The following SNRNP40 variants were observed in gnomAD, a reference collection of about 807,000 sequenced individuals.
The protein encoded by SNRNP40 is small nuclear ribonucleoprotein U5 subunit 40.
Under a neutral mutation model 45.8 loss-of-function variants are expected in SNRNP40, and 21 were observed. That is an observed-to-expected ratio of 0.46 (90% CI 0.32 to 0.66). The LOEUF (loss-of-function observed/expected upper bound fraction) is 0.66, where lower values mean the gene tolerates loss of function less well. SNRNP40 is among the 30% of genes least tolerant of loss of function. The pLI is 0.03. For synonymous variants in SNRNP40, 142 were observed against 163.8 expected (o/e 0.87, Z 1.01); for missense variants, 344 against 439.1 (o/e 0.78, Z 1.94).
intron 6 of SNRNP40, chr1:31,269,443 G>A: frequency 8.0e-7 from 1 of 1,257,852 alleles, no homozygotes; most frequent in South Asian, 2.3e-5. Flanking sequence ...CAATAACTGG[G>A]GCTAGCTGAG....
chr1:31,259,606 T>C lies in SNRNP40; in HGVS notation c.*466A>G, dbSNP rs1345915657. The C allele has an allele frequency of 2.7e-6, 1 of 368,320 alleles. No individual in the cohort carries two copies. Among genetic ancestry groups the C allele is most frequent in the East Asian group, 7.5e-5 (1 of 13,348 alleles). The allele number at this position is 368,320 out of a possible 1,614,324, so 22.8% of individuals were successfully genotyped here. On this transcript the variant is annotated 3_prime_UTR_variant, in exon 10 of 10. Transcript: ENST00000263694. ...TGAATTGTATTCTGTGGCCACATCA[T>C]GCTCTATTCTGATTTATAGCAATCA...
At chr1:31,289,561 G>A (rs1297851629) in intron 3 of SNRNP40, 142 bp from the exon 4 acceptor site, 14 of 685,874 alleles carry the variant, frequency 2.0e-5, no homozygotes, top group Non-Finnish European at 3.2e-5. Context: ...ATGCTGGAAT[G>A]CCTCACCCTA....
intron 8 of SNRNP40, among the ~76,000 whole-genome samples, chr1:31,266,619 T>C (rs1645898492): frequency 6.6e-6 from 1 of 152,212 alleles, no homozygotes; most frequent in Admixed American, 6.5e-5. Flanking sequence ...TCGTATTTCA[T>C]AAAGCCTTAG....
At chr1:31,265,847 A>AC (rs1645892462) in intron 8 of SNRNP40, among the ~76,000 whole-genome samples, 1 of 100,398 alleles carries the variant, frequency 1.0e-5, no homozygotes, top group South Asian at 2.5e-4. Flanking sequence ...CTCAAAAACA[A>AC]ACAAAAATTT....
intron 8 of SNRNP40, among the ~76,000 whole-genome samples, chr1:31,265,012 T>C (rs1378440344): frequency 6.6e-6 from 1 of 152,176 alleles, no homozygotes; most frequent in Non-Finnish European, 1.5e-5. Context: ...AAGCCTTATG[T>C]AACACAGCTG....
chr1:31,271,565 G>C (rs1285383120), intron 5 of SNRNP40, 66 bp from the exon 6 acceptor site: 1 of 1,505,996 alleles, frequency 6.6e-7, no homozygotes, highest in Non-Finnish European at 9.0e-7. Flanking sequence ...AATGACACAA[G>C]AGACAAGAGT....
At chr1:31,265,969 C>A (rs1462169116) in intron 8 of SNRNP40, among the ~76,000 whole-genome samples, 1 of 152,202 alleles carries the variant, frequency 6.6e-6, no homozygotes, top group Non-Finnish European at 1.5e-5. Context: ...TCTTCTCTAG[C>A]AACTTGATAA....
intron 4 of SNRNP40, among the ~76,000 whole-genome samples, chr1:31,285,325 C>T (rs1305784657): frequency 6.6e-6 from 1 of 150,732 alleles, no homozygotes; most frequent in Non-Finnish European, 1.5e-5. Context: ...CTCACTGCAA[C>T]CTCCACCTCC....
intron 1 of SNRNP40, among the ~76,000 whole-genome samples, chr1:31,295,270 G>A (rs1646136913): frequency 6.6e-6 from 1 of 152,146 alleles, no homozygotes; most frequent in Non-Finnish European, 1.5e-5. Flanking sequence ...GGCTGAGGCA[G>A]GAGGATCACT....
rs867817137 is a variant in SNRNP40 at position 31,259,738 on chromosome 1, A to G, written c.*334T>C. 6.1e-6 allele frequency: 3 copies of G among 491,506 alleles called. No individual in the cohort carries two copies. Among genetic ancestry groups the G allele is most frequent in the Admixed American group, 2.8e-5 (1 of 35,130 alleles). 30.4% of individuals were successfully genotyped at this position (491,506 alleles called of 1,614,324 possible). The stretch of plus-strand genomic sequence containing the variant: ...ATATAGAGAAATACAGAAAGAAAAT[A>G]TCATACAAGCCAGTTACAAAAAAAA... On this transcript the variant is annotated 3_prime_UTR_variant, in exon 10 of 10. Coordinates refer to ENST00000263694, the MANE Select transcript of SNRNP40 (RefSeq NM_004814.3).
chr1:31,274,500 C>G (rs545700971), intron 5 of SNRNP40, among the ~76,000 whole-genome samples: 1 of 152,046 alleles, frequency 6.6e-6, no homozygotes, highest in Non-Finnish European at 1.5e-5. Flanking sequence ...CTCAGCCTCC[C>G]GAAGTGCTGG....
chr1:31,275,482 C>A (rs1031115601), intron 5 of SNRNP40, among the ~76,000 whole-genome samples: 3 of 152,254 alleles, frequency 2.0e-5, no homozygotes, highest in Admixed American at 1.3e-4. Context: ...CTCCACCTCC[C>A]GGGTTCAAGC....
intron 5 of SNRNP40, among the ~76,000 whole-genome samples, chr1:31,275,227 A>G (rs550935972): frequency 3.6e-4 from 55 of 152,250 alleles, no homozygotes; most frequent in Non-Finnish European, 6.9e-4. Flanking sequence ...TGAGGGATGG[A>G]GGTGATGTCT....
intron 9 of SNRNP40, chr1:31,260,863 CA>C (rs755455035): frequency 0.037 from 17,649 of 471,754 alleles, 20 homozygotes; most frequent in South Asian, 0.1. Flanking sequence ...GACTCTGTCT[CA>C]AAAAAAAAAA....
intron 4 of SNRNP40, among the ~76,000 whole-genome samples, chr1:31,288,110 C>A (rs1044089907): frequency 6.6e-6 from 1 of 151,866 alleles, no homozygotes; most frequent in Non-Finnish European, 1.5e-5. Flanking sequence ...CTACAGTGAG[C>A]CAAGATTGTG....
chr1:31,288,944 G>C (rs904453764), intron 4 of SNRNP40, among the ~76,000 whole-genome samples: 4 of 152,132 alleles, frequency 2.6e-5, no homozygotes, highest in African/African-American at 9.7e-5. Context: ...TGTTAGCCAG[G>C]ATGGTCTTGA....
At position 31,285,058 on chromosome 1, in the gene SNRNP40, TAA is replaced by T. The variant is rs1461242753; in HGVS notation, c.532-3564_532-3563del. On this transcript the variant is annotated intron_variant, in intron 4 of 9. Coordinates refer to ENST00000263694, the MANE Select transcript of SNRNP40 (RefSeq NM_004814.3). ...GTCAAATCTATCTTTGTCTTTCTCC[TAA>T]AAGTCATGGTAGTCAAAGTTTGTTT... Among the ~76,000 whole-genome samples, 5 of 152,324 alleles carry T rather than the reference TAA, an allele frequency of 3.3e-5. No homozygotes were observed. The East Asian group carries it at 9.6e-4, about 29-fold the overall frequency.
chr1:31,267,266 T>C (rs556198796), intron 8 of SNRNP40, among the ~76,000 whole-genome samples: 55 of 152,164 alleles, frequency 3.6e-4, no homozygotes, highest in African/African-American at 1.2e-3. Flanking sequence ...GAATAAGAAA[T>C]GTGGTGAGGG....
At position 31,259,991 on chromosome 1, in the gene SNRNP40, C is replaced by T. The variant is rs1398420408; in HGVS notation, c.*81G>A. 1.9e-6 allele frequency: 2 copies of T among 1,029,622 alleles called. No individual in the cohort carries two copies. The allele number at this position is 1,029,622 out of a possible 1,614,324, so 63.8% of individuals were successfully genotyped here. ...GGTCATCTGAAGGGAGGGTGCTAGC[C>T]TGGACATCCAACATTTGGCATCACT... is the stretch of plus-strand genomic sequence containing the variant. On this transcript the variant is annotated 3_prime_UTR_variant, in exon 10 of 10. Transcript: ENST00000263694.
Sources: allele counts gnomAD v4.1 joint callset (sites outside exome capture counted in the v4.1 genomes callset), GRCh38; gene constraint gnomAD v4.1.1; transcripts MANE v1.5; gene names NCBI Gene and HGNC (gene_info 2026-07-23, HGNC 2026-07-21).